TLN2: variants seen among roughly 807,000 people sequenced by gnomAD.
TLN2 encodes talin-2.
TLN2 carries 118 observed loss-of-function variants against 294.7 expected under a neutral mutation model. The ratio of observed to expected loss-of-function variants is 0.40; its 90% CI spans 0.34 to 0.47. The LOEUF (loss-of-function observed/expected upper bound fraction) is 0.47. Among genes scored for constraint, TLN2 ranks in the 20% least tolerant of loss-of-function variants. The pLI is 0.84. For missense variants in TLN2, 3,083 were observed against 3,282.2 expected (o/e 0.94, Z 1.48); for synonymous variants, 1,431 against 1,304.5 (o/e 1.10, Z -2.09).
chr15:62,766,393 C>T lies in TLN2; in HGVS notation c.5167C>T (p.Arg1723Trp), dbSNP rs146711240. The T allele has an allele frequency of 4.6e-5, 74 of 1,611,996 alleles. No individual in the cohort carries two copies. The highest frequency in any genetic ancestry group is 1.4e-4 in the South Asian group (13 of 91,030). Residue 1723 changes from arginine to tryptophan, a missense_variant, in exon 41 of 59, where the codon CGG becomes TGG. Physicochemically the swap from Arg to Trp is moderately radical, Grantham distance 101. Coordinates refer to ENST00000636159, the MANE Select transcript of TLN2 (RefSeq NM_015059.3). The stretch of plus-strand genomic sequence containing the variant: ...TATCGATCCCATCGCCACAGCGGCT[C>T]GGGGAGAAGCAGCTCAGCTGGGACA... ...HLIDPIATAA[R>W]GEAAQLGHKV...
At chr15:62,819,724 G>A (rs2067404401) in intron 53 of TLN2, 103 bp downstream of exon 53, 1 of 972,064 alleles carries the variant, frequency 1.0e-6, no homozygotes, top group African/African-American at 1.6e-5. Flanking sequence ...GCCTTTAGCT[G>A]GCAGATGCAG....
At chr15:62,656,206 C>G (rs78711196) in intron 8 of TLN2, 120 bp downstream of exon 8, 20,069 of 1,296,774 alleles carry the variant, frequency 0.015, 230 homozygotes, top group Non-Finnish European at 0.015. Context: ...TCGTTTCCAG[C>G]AGGCGCTGCT....
At chr15:62,757,212 A>C (rs954523957) in intron 37 of TLN2, among the ~76,000 whole-genome samples, 1 of 152,234 alleles carries the variant, frequency 6.6e-6, no homozygotes, top group African/African-American at 2.4e-5. Context: ...GGTGGGGCAG[A>C]ATTCAAACCC....
chr15:62,602,492 T>C (rs189986424), intron 2 of TLN2, among the ~76,000 whole-genome samples: 1 of 152,372 alleles, frequency 6.6e-6, no homozygotes, highest in Non-Finnish European at 1.5e-5. Flanking sequence ...CAGAGTCTCA[T>C]CTATGAAATC....
At chr15:62,564,925 A>ATATATAT (rs1555430770) in intron 1 of TLN2, among the ~76,000 whole-genome samples, 130 of 80,616 alleles carry the variant, frequency 1.6e-3, no homozygotes, top group Non-Finnish European at 2.5e-3. Context: ...AAAAAAAAAA[A>ATATATAT]ATATATATAT....
chr15:62,441,858 C>T (rs147909373), intron 1 of TLN2, among the ~76,000 whole-genome samples: 2 of 152,230 alleles, frequency 1.3e-5, no homozygotes, highest in East Asian at 1.9e-4. Flanking sequence ...TGGATAAACA[C>T]GTGGAGGTTT....
chr15:62,516,368 G>T (rs187332331), intron 1 of TLN2, among the ~76,000 whole-genome samples: 64 of 152,278 alleles, frequency 4.2e-4, no homozygotes, highest in African/African-American at 1.5e-3. Flanking sequence ...TGTTTTCAGT[G>T]TTTTTATATG....
chr15:62,630,239 G>C (rs1169483183), intron 3 of TLN2, among the ~76,000 whole-genome samples: 1 of 152,180 alleles, frequency 6.6e-6, no homozygotes, highest in African/African-American at 2.4e-5. Context: ...CCAGATTTTA[G>C]GTATCAGAAG....
chr15:62,724,771 A>G (rs1044822222), intron 26 of TLN2, among the ~76,000 whole-genome samples: 5 of 152,160 alleles, frequency 3.3e-5, no homozygotes, highest in African/African-American at 1.2e-4. Context: ...AGACATACCT[A>G]ATTGATGGTT....
intron 52 of TLN2, among the ~76,000 whole-genome samples, chr15:62,813,933 G>A (rs768340386): frequency 6.6e-6 from 1 of 151,892 alleles, no homozygotes; most frequent in Non-Finnish European, 1.5e-5. Context: ...TCCTGCCTCA[G>A]CCTCCCAAGT....
chr15:62,506,437 A>C (rs1343786299), intron 1 of TLN2, among the ~76,000 whole-genome samples: 2 of 152,230 alleles, frequency 1.3e-5, no homozygotes, highest in Non-Finnish European at 2.9e-5. Flanking sequence ...AGGTAGTCAC[A>C]TGGGTGGTAT....
chr15:62,565,496 C>G (rs1567109368), intron 1 of TLN2, among the ~76,000 whole-genome samples: 1 of 152,168 alleles, frequency 6.6e-6, no homozygotes. Context: ...TAACATACCA[C>G]TTCGTAATTA....
intron 1 of TLN2, among the ~76,000 whole-genome samples, chr15:62,399,125 G>A (rs560414457): frequency 3.9e-5 from 6 of 152,138 alleles, no homozygotes; most frequent in Admixed American, 1.3e-4. Flanking sequence ...AGTTGATGTT[G>A]GTCCTGCAGG....
In TLN2 at chr15:62,575,883, G is replaced by A. The variant is rs573351156; in HGVS notation, c.-237-13804G>A. ...CCTCCCTGCCTTGCGGTAGAATCAT[G>A]GATTTGAATATTTTCCCAACTGTGT... is the stretch of plus-strand genomic sequence containing the variant. On this transcript the variant is annotated intron_variant, in intron 1 of 58. Coordinates refer to ENST00000636159, the MANE Select transcript of TLN2 (RefSeq NM_015059.3). Among the ~76,000 whole-genome samples the A allele has an allele frequency of 2.1e-4, 32 of 152,302 alleles. 1 individual carries two copies. Among genetic ancestry groups the A allele is most frequent in the African/African-American group, 7.5e-4 (31 of 41,558 alleles).
At chr15:62,704,595 G>T (rs1032045269) in intron 19 of TLN2, among the ~76,000 whole-genome samples, 1 of 152,160 alleles carries the variant, frequency 6.6e-6, no homozygotes, top group African/African-American at 2.4e-5. Flanking sequence ...TTCATATCCT[G>T]CAGTGCAATA....
chr15:62,601,796 G>A (rs1401131740), intron 2 of TLN2, among the ~76,000 whole-genome samples: 3 of 152,078 alleles, frequency 2.0e-5, no homozygotes, highest in East Asian at 1.9e-4. Context: ...AGGCAGCAGC[G>A]TCCAAAAGAG....
At chr15:62,572,055 G>A (rs2043914257) in intron 1 of TLN2, among the ~76,000 whole-genome samples, 1 of 152,136 alleles carries the variant, frequency 6.6e-6, no homozygotes, top group South Asian at 2.1e-4. Flanking sequence ...CACCTGGCAG[G>A]AACATCGTAG....
At chr15:62,540,981 C>G (rs2041651226) in intron 1 of TLN2, among the ~76,000 whole-genome samples, 1 of 152,076 alleles carries the variant, frequency 6.6e-6, no homozygotes. Context: ...CATGACAGAT[C>G]AAGAGGATGA....
At chr15:62,815,716 C>G (rs542169057) in intron 52 of TLN2, among the ~76,000 whole-genome samples, 43 of 152,242 alleles carry the variant, frequency 2.8e-4, no homozygotes, top group African/African-American at 1.0e-3. Flanking sequence ...TTTAGTTTTT[C>G]TTTGGAAAAT....
Sources: gnomAD v4.1 joint callset for allele counts (sites outside exome capture counted in the v4.1 genomes callset) on GRCh38, gnomAD v4.1.1 for gene constraint, MANE v1.5 for transcripts, NCBI Gene and HGNC (gene_info 2026-07-23, HGNC 2026-07-21) for gene names.